The following IQSEC3 variants were observed in gnomAD, a reference collection of about 807,000 sequenced individuals.
The protein encoded by IQSEC3 is IQ motif and SEC7 domain-containing protein 3.
A neutral mutation model predicts 105.4 loss-of-function variants in IQSEC3; 50 were observed. The observed-to-expected ratio is 0.47, with a 90% CI of 0.38 to 0.60. The LOEUF (loss-of-function observed/expected upper bound fraction) is 0.60, where lower values mean the gene tolerates loss of function less well. Among genes scored for constraint, IQSEC3 ranks in the 20% least tolerant of loss-of-function variants. The pLI is 0.00. For synonymous variants in IQSEC3, 708 were observed against 746.0 expected (o/e 0.95, Z 0.83); for missense variants, 1,415 against 1,630.0 (o/e 0.87, Z 2.27).
chr12:102,812 C>T (rs922669395), intron 2 of IQSEC3, among the ~76,000 whole-genome samples: 2 of 152,160 alleles, frequency 1.3e-5, no homozygotes, highest in East Asian at 1.9e-4. Flanking sequence ...GAAGGGAGGG[C>T]GTCAGCGATC....
intron 5 of IQSEC3, among the ~76,000 whole-genome samples, chr12:149,788 C>T (rs1180875238): frequency 6.6e-6 from 1 of 152,010 alleles, no homozygotes; most frequent in African/African-American, 2.4e-5. Flanking sequence ...TGGGGCTGGG[C>T]AGCAGGAAGA....
chr12:102,988 G>C (rs1555076626), intron 2 of IQSEC3, among the ~76,000 whole-genome samples: 2 of 152,114 alleles, frequency 1.3e-5, no homozygotes, highest in African/African-American at 4.8e-5. Context: ...GTGGGAGCTG[G>C]GGGTGGTGCC....
intron 11 of IQSEC3, among the ~76,000 whole-genome samples, chr12:168,556 C>T (rs1938798235): frequency 6.6e-6 from 1 of 152,122 alleles, no homozygotes; most frequent in Non-Finnish European, 1.5e-5. Flanking sequence ...TTCGCACAAA[C>T]CTTAATACTT....
intron 2 of IQSEC3, among the ~76,000 whole-genome samples, chr12:107,719 T>C (rs1864725062): frequency 6.6e-6 from 1 of 151,868 alleles, no homozygotes; most frequent in African/African-American, 2.4e-5. Flanking sequence ...CGGTAGTCTG[T>C]TTTCTAACTA....
At position 162,206 on chromosome 12, in the gene IQSEC3, C is replaced by T. The variant is rs549523872; in HGVS notation, c.2583+141C>T. On this transcript the variant is annotated intron_variant, in intron 8 of 13. Coordinates refer to ENST00000538872, the MANE Select transcript of IQSEC3 (RefSeq NM_001170738.2). The stretch of plus-strand genomic sequence containing the variant: ...TAGTTATGAAGTACCTACTGTGTGC[C>T]AGACACTGCATCTCTTTTTTTTTTT... 4.5e-5 allele frequency: 42 copies of T among 942,572 alleles called. 1 individual carries two copies. The highest frequency in any genetic ancestry group is 2.1e-4 in the Admixed American group (7 of 33,330). The allele number at this position is 942,572 out of a possible 1,614,324, so 58.4% of individuals were successfully genotyped here. A position where few individuals can be genotyped will look rare whatever the true frequency, so the allele number is the denominator to read the frequency against.
intron 6 of IQSEC3, 151 bp downstream of exon 6, chr12:157,298 G>A: frequency 7.8e-7 from 1 of 1,277,272 alleles, no homozygotes; most frequent in Non-Finnish European, 1.1e-6. Context: ...TGGCTGGGGA[G>A]AAACAAGGGA....
rs2368784 is a variant in IQSEC3, at chr12:154,404, G to T, written c.2154-2621G>T. 1.8e-3 allele frequency among the ~76,000 whole-genome samples: 276 copies of T among 152,318 alleles called. 6 individuals are homozygous for T. In the East Asian group the frequency reaches 0.03, roughly 16 times the overall value. ...GTGAGACCTGGTCCATAGCCCTGGG[G>T]CAGAAGGCACTCAGAGAGAGGCTCT... On this transcript the variant is annotated intron_variant, in intron 5 of 13. Transcript: ENST00000538872.
chr12:68,628 G>A (rs1204139578), intron 1 of IQSEC3, among the ~76,000 whole-genome samples: 1 of 152,278 alleles, frequency 6.6e-6, no homozygotes, highest in African/African-American at 2.4e-5. Flanking sequence ...AATTGTCCCT[G>A]GTCAGCACCT....
intron 5 of IQSEC3, chr12:148,977 T>C (rs148498002): frequency 6.6e-6 from 1 of 152,014 alleles, no homozygotes; most frequent in Admixed American, 6.5e-5. Context: ...GATGATGAAA[T>C]TCATTTTGAT....
Position 109,557 on chromosome 12 carries a change from CG to C in IQSEC3, c.623+10344del, listed in dbSNP as rs1864806290. Among the ~76,000 whole-genome samples the C allele has an allele frequency of 2.6e-5, 4 of 152,224 alleles. 1 individual carries two copies. In the South Asian group the frequency reaches 8.3e-4, roughly 32 times the overall value. Reference sequence around the variant, plus strand: ...AAACAGCCATCTAGTCTTTGCCGTACGCAACCCACTATTCCTCAGGCAGCCT... The same window carrying C: ...AAACAGCCATCTAGTCTTTGCCGTACCAACCCACTATTCCTCAGGCAGCCT... On this transcript the variant is annotated intron_variant, in intron 2 of 13. Transcript: ENST00000538872.
chr12:88,654 C>T (rs551552785), intron 1 of IQSEC3, among the ~76,000 whole-genome samples: 98 of 152,246 alleles, frequency 6.4e-4, no homozygotes, highest in Non-Finnish European at 7.2e-4. Flanking sequence ...CCTTTTGCCC[C>T]GGCTTCTGGA....
chr12:101,797 G>C (rs1256138057), intron 2 of IQSEC3, among the ~76,000 whole-genome samples: 2 of 152,104 alleles, frequency 1.3e-5, no homozygotes, highest in African/African-American at 4.8e-5. Flanking sequence ...GTACGTGTTT[G>C]CTCTTGGCTT....
intron 5 of IQSEC3, among the ~76,000 whole-genome samples, 194 bp from the exon 6 acceptor site, chr12:156,831 G>A (rs1340924024): frequency 2.6e-5 from 4 of 152,166 alleles, no homozygotes; most frequent in Non-Finnish European, 4.4e-5. Flanking sequence ...TGGCCTCAGG[G>A]TTTGGGTTCC....
rs1863110667 is a variant in IQSEC3 at position 66,960 on chromosome 12, G to C, written c.78G>C (p.Gln26His). 6.5e-7 allele frequency: 1 copy of C among 1,531,152 alleles called. No homozygotes were observed. Among genetic ancestry groups the C allele is most frequent in the African/African-American group, 1.4e-5 (1 of 71,164 alleles). The allele number at this position is 1,531,152 out of a possible 1,614,324, so 94.8% of individuals were successfully genotyped here. Residue 26 changes from glutamine (Q) to histidine (H), a missense_variant, in exon 1 of 14, where the codon CAG becomes CAC. Physicochemically the swap from Gln to His is conservative, Grantham distance 24 (BLOSUM62 0). Around this residue, in one of 6 missense-constraint regions of IQSEC3, gnomAD observed 34 missense variants for 80.3 expected, o/e 0.42. Coordinates refer to ENST00000538872, the MANE Select transcript of IQSEC3 (RefSeq NM_001170738.2). ...TCACGGCCATCGTGCAGAACCAGCA[G>C]AGCCTCATCCACACCCAGCGAGAGC... Reference protein sequence around the residue: ...KELTAIVQNQQSLIHTQRERI... With the variant: ...KELTAIVQNQHSLIHTQRERI...
In IQSEC3 at chr12:93,763, G is replaced by T. The variant is rs189199384; in HGVS notation, c.555-5383G>T. Among the ~76,000 whole-genome samples, 363 of 152,306 alleles carry T rather than the reference G, an allele frequency of 2.4e-3. 3 individuals are homozygous for T. The highest frequency in any genetic ancestry group is 0.02 in the South Asian group (96 of 4,824). On this transcript the variant is annotated intron_variant, in intron 1 of 13. Transcript: ENST00000538872. The stretch of plus-strand genomic sequence containing the variant: ...GTGGGGCCTAACTCGAGGTATCTGG[G>T]TTATGGGAGTGGCTTCCTCACGAAT...
At chr12:171,779 G>A (rs1361706783) in intron 13 of IQSEC3, among the ~76,000 whole-genome samples, 1 of 152,202 alleles carries the variant, frequency 6.6e-6, no homozygotes, top group East Asian at 1.9e-4. Flanking sequence ...AAGAAAATGA[G>A]ACAGAGTAGG....
intron 1 of IQSEC3, among the ~76,000 whole-genome samples, chr12:81,493 C>A (rs1196352776): frequency 1.5e-4 from 23 of 152,092 alleles, no homozygotes; most frequent in Admixed American, 1.5e-3. Flanking sequence ...TGATCTGCAG[C>A]CAAGACAACA....
intron 1 of IQSEC3, among the ~76,000 whole-genome samples, chr12:73,689 A>G (rs1173295141): frequency 1.3e-5 from 2 of 152,234 alleles, no homozygotes; most frequent in African/African-American, 2.4e-5. Context: ...AAAGAAAAAG[A>G]AAAAGAAAAA....
chr12:145,738 G>A (rs914225974), intron 5 of IQSEC3, among the ~76,000 whole-genome samples: 2 of 152,258 alleles, frequency 1.3e-5, no homozygotes, highest in African/African-American at 2.4e-5. Flanking sequence ...TCTCCCTCTC[G>A]GTTTTCACAT....
Sources: gnomAD v4.1 joint callset for allele counts (sites outside exome capture counted in the v4.1 genomes callset) on GRCh38, gnomAD v4.1.1 for gene constraint, gnomAD v4.1.1 regional missense constraint, MANE v1.5 for transcripts, NCBI Gene and HGNC (gene_info 2026-07-23, HGNC 2026-07-21) for gene names.